Variants in PPP3CA observed in about 807,000 individuals in gnomAD.
The protein encoded by PPP3CA is CAM-PRP catalytic subunit.
In PPP3CA, 14 loss-of-function variants were observed where a neutral mutation model predicts 66.5. The observed-to-expected ratio is 0.21, with a 90% CI of 0.14 to 0.33. The LOEUF (loss-of-function observed/expected upper bound fraction) is 0.33. PPP3CA is among the 10% of genes least tolerant of loss of function. PPP3CA has a pLI of 1.00. For missense variants in PPP3CA, 317 were observed against 639.5 expected (o/e 0.50, Z 5.44); for synonymous variants, 232 against 226.2 (o/e 1.03, Z -0.23).
intron 1 of PPP3CA, among the ~76,000 whole-genome samples, chr4:101,318,987 T>G (rs1003415465): frequency 2.0e-5 from 3 of 152,102 alleles, no homozygotes; most frequent in Non-Finnish European, 4.4e-5. Flanking sequence ...CTTCTCAATG[T>G]AGGATAGCTC....
intron 1 of PPP3CA, among the ~76,000 whole-genome samples, chr4:101,298,479 C>CT (rs1560705177): frequency 2.0e-5 from 3 of 151,916 alleles, no homozygotes; most frequent in Non-Finnish European, 4.4e-5. Context: ...CTACCTACTC[C>CT]TTCTCTGCCA....
chr4:101,344,218 T>G (rs1477945101), intron 1 of PPP3CA, among the ~76,000 whole-genome samples: 2 of 152,218 alleles, frequency 1.3e-5, no homozygotes, highest in East Asian at 3.8e-4. Context: ...TTAATATGTT[T>G]CACATCCAGC....
intron 3 of PPP3CA, among the ~76,000 whole-genome samples, chr4:101,105,111 A>T (rs1232759190): frequency 6.6e-6 from 1 of 152,116 alleles, no homozygotes; most frequent in Non-Finnish European, 1.5e-5. Flanking sequence ...CTTTAAAAAA[A>T]TCTGCTGAGG....
At chr4:101,258,009 G>A (rs1018881022) in intron 1 of PPP3CA, among the ~76,000 whole-genome samples, 70 of 152,030 alleles carry the variant, frequency 4.6e-4, no homozygotes, top group African/African-American at 1.7e-3. Context: ...ATAAGTAGGT[G>A]TCCAAAAACT....
intron 1 of PPP3CA, among the ~76,000 whole-genome samples, chr4:101,209,922 A>C (rs1725248863): frequency 6.6e-6 from 1 of 152,154 alleles, no homozygotes; most frequent in South Asian, 2.1e-4. Context: ...CAAAGTAAAG[A>C]AAAATTACAG....
intron 1 of PPP3CA, among the ~76,000 whole-genome samples, chr4:101,252,344 T>C (rs1726703943): frequency 6.6e-6 from 1 of 152,190 alleles, no homozygotes; most frequent in African/African-American, 2.4e-5. Context: ...ATGAAGACTT[T>C]GGTAGGGTTG....
intron 10 of PPP3CA, among the ~76,000 whole-genome samples, chr4:101,052,156 C>T (rs760907670): frequency 6.6e-6 from 1 of 151,922 alleles, no homozygotes; most frequent in Non-Finnish European, 1.5e-5. Context: ...ACTTCTGATA[C>T]CTATATTACT....
At chr4:101,042,024 A>T (rs541471388) in intron 10 of PPP3CA, among the ~76,000 whole-genome samples, 1 of 152,168 alleles carries the variant, frequency 6.6e-6, no homozygotes, top group South Asian at 2.1e-4. Context: ...TTTGAAAAAA[A>T]GATTTCTACT....
chr4:101,194,992 G>T (rs1724739460), intron 2 of PPP3CA, among the ~76,000 whole-genome samples: 1 of 152,054 alleles, frequency 6.6e-6, no homozygotes, highest in African/African-American at 2.4e-5. Context: ...AAATAAAAAG[G>T]CCCGGAGTGG....
chr4:101,149,203 G>A (rs1335791605), intron 2 of PPP3CA, among the ~76,000 whole-genome samples: 1 of 152,076 alleles, frequency 6.6e-6, no homozygotes, highest in Non-Finnish European at 1.5e-5. Flanking sequence ...AATGCATAAA[G>A]CACCATCTTT....
intron 1 of PPP3CA, among the ~76,000 whole-genome samples, chr4:101,201,599 G>A (rs549156041): frequency 6.6e-6 from 1 of 152,184 alleles, no homozygotes; most frequent in Non-Finnish European, 1.5e-5. Context: ...CAATGTCTTC[G>A]CAAGTCCAGA....
At chr4:101,196,776 A>C (rs1578544574) in intron 1 of PPP3CA, among the ~76,000 whole-genome samples, 1 of 152,206 alleles carries the variant, frequency 6.6e-6, no homozygotes, top group East Asian at 1.9e-4. Context: ...TGACACAGTG[A>C]CAAAGTCCAA....
intron 2 of PPP3CA, among the ~76,000 whole-genome samples, chr4:101,158,759 T>G (rs1427628620): frequency 6.6e-6 from 1 of 152,328 alleles, no homozygotes; most frequent in African/African-American, 2.4e-5. Context: ...TATGAATAAG[T>G]TGCAGTTTAC....
intron 9 of PPP3CA, among the ~76,000 whole-genome samples, chr4:101,062,975 A>T (rs1469593932): frequency 6.6e-6 from 1 of 151,664 alleles, no homozygotes; most frequent in Non-Finnish European, 1.5e-5. Flanking sequence ...AAAGCGTTAT[A>T]TTATTCTAAT....
At chr4:101,040,858 C>G (rs918973456) in intron 10 of PPP3CA, among the ~76,000 whole-genome samples, 3 of 152,118 alleles carry the variant, frequency 2.0e-5, no homozygotes, top group Non-Finnish European at 4.4e-5. Context: ...GGGTAGGTTC[C>G]TATCCTCCTC....
intron 1 of PPP3CA, among the ~76,000 whole-genome samples, chr4:101,265,091 T>C (rs1727129834): frequency 6.6e-6 from 1 of 152,126 alleles, no homozygotes; most frequent in South Asian, 2.1e-4. Flanking sequence ...TGTTGTATTG[T>C]AGGTTATAAT....
intron 1 of PPP3CA, among the ~76,000 whole-genome samples, chr4:101,280,178 C>G (rs556242812): frequency 1.3e-5 from 2 of 152,014 alleles, no homozygotes; most frequent in Non-Finnish European, 2.9e-5. Flanking sequence ...GACAAATATA[C>G]GGCATGTCAA....
chr4:101,337,727 T>G (rs1729678072), intron 1 of PPP3CA, among the ~76,000 whole-genome samples: 1 of 152,236 alleles, frequency 6.6e-6, no homozygotes, highest in African/African-American at 2.4e-5. Context: ...CCCAGCTGGC[T>G]TTCTTTAACC....
At chr4:101,276,614 C>A (rs1168297966) in intron 1 of PPP3CA, among the ~76,000 whole-genome samples, 1 of 152,132 alleles carries the variant, frequency 6.6e-6, no homozygotes, top group Admixed American at 6.5e-5. Context: ...CATTTCTTCA[C>A]TCATCCCATC....
Sources: gnomAD v4.1 joint callset for allele counts (sites outside exome capture counted in the v4.1 genomes callset) on GRCh38, gnomAD v4.1.1 for gene constraint, MANE v1.5 for transcripts, NCBI Gene and HGNC (gene_info 2026-07-23, HGNC 2026-07-21) for gene names.